Variants in DPYD observed in about 807,000 individuals in gnomAD.
The protein encoded by DPYD is dihydropyrimidine dehydrogenase [NADP(+)].
A neutral mutation model predicts 116.2 loss-of-function variants in DPYD; 109 were observed. The ratio of observed to expected loss-of-function variants is 0.94; its 90% CI spans 0.80 to 1.10. The LOEUF (loss-of-function observed/expected upper bound fraction) is 1.10. Among genes scored for constraint, DPYD ranks in the 50% least tolerant of loss-of-function variants. The pLI, the probability that DPYD is intolerant of heterozygous loss-of-function variation, is 0.00. For missense variants in DPYD, 1,302 were observed against 1,254.5 expected (o/e 1.04, Z -0.57); for synonymous variants, 440 against 432.0 (o/e 1.02, Z -0.23).
At chr1:97,717,448 T>A (rs1662676114) in intron 5 of DPYD, among the ~76,000 whole-genome samples, 1 of 152,114 alleles carries the variant, frequency 6.6e-6, no homozygotes, top group Non-Finnish European at 1.5e-5. Context: ...CTTACATTTT[T>A]AAATATTTCA....
intron 20 of DPYD, among the ~76,000 whole-genome samples, chr1:97,141,235 G>A (rs899628322): frequency 3.3e-5 from 5 of 152,262 alleles, no homozygotes; most frequent in South Asian, 2.1e-4. Flanking sequence ...AAGACCAAGC[G>A]AGGCACGAGG....
chr1:97,209,741 T>C (rs1407592819), intron 19 of DPYD, among the ~76,000 whole-genome samples: 2 of 152,174 alleles, frequency 1.3e-5, no homozygotes, highest in Non-Finnish European at 2.9e-5. Flanking sequence ...CCCATCATTT[T>C]CCACATGAGG....
At chr1:97,494,539 C>A (rs1000970958) in intron 13 of DPYD, among the ~76,000 whole-genome samples, 1 of 151,924 alleles carries the variant, frequency 6.6e-6, no homozygotes, top group African/African-American at 2.4e-5. Context: ...TATAAGAACA[C>A]AACTTTAAGC....
At chr1:97,875,278 A>G (rs1321378955) in intron 2 of DPYD, among the ~76,000 whole-genome samples, 1 of 151,984 alleles carries the variant, frequency 6.6e-6, no homozygotes, top group Non-Finnish European at 1.5e-5. Flanking sequence ...TGACATAGTC[A>G]TAATCAGAAA....
chr1:97,706,802 T>C (rs1166839951), intron 5 of DPYD, among the ~76,000 whole-genome samples: 1 of 152,112 alleles, frequency 6.6e-6, no homozygotes, highest in African/African-American at 2.4e-5. Context: ...TGATTATGAA[T>C]AAAGCTGCTA....
chr1:97,242,705 T>A (rs11165814), intron 18 of DPYD, among the ~76,000 whole-genome samples: 114,641 of 151,552 alleles, frequency 0.76, 44,515 homozygotes, highest in East Asian at 0.99. Context: ...GCATCATCAG[T>A]ATATATGATG....
chr1:97,599,973 A>C (rs1302225200), intron 8 of DPYD, among the ~76,000 whole-genome samples: 1 of 149,076 alleles, frequency 6.7e-6, no homozygotes, highest in Non-Finnish European at 1.5e-5. Flanking sequence ...TGCACCTGGG[A>C]GGCAGAGGTT....
chr1:97,658,086 G>A (rs564389125), intron 8 of DPYD, among the ~76,000 whole-genome samples: 1 of 152,060 alleles, frequency 6.6e-6, no homozygotes, highest in Non-Finnish European at 1.5e-5. Flanking sequence ...CCTACAGTTT[G>A]CAGCAAATAA....
chr1:97,471,971 A>C (rs1425275410), intron 13 of DPYD, among the ~76,000 whole-genome samples: 1 of 152,252 alleles, frequency 6.6e-6, no homozygotes, highest in Non-Finnish European at 1.5e-5. Context: ...AAAATGTAAA[A>C]AAAGAGACAG....
At chr1:97,103,913 T>G (rs948985991) in intron 20 of DPYD, among the ~76,000 whole-genome samples, 15 of 152,130 alleles carry the variant, frequency 9.9e-5, no homozygotes, top group African/African-American at 3.6e-4. Context: ...GCTCTGTGTT[T>G]CCATGTTTGC....
intron 16 of DPYD, among the ~76,000 whole-genome samples, chr1:97,358,565 C>T (rs916155365): frequency 9.9e-5 from 15 of 152,156 alleles, no homozygotes; most frequent in African/African-American, 3.6e-4. Context: ...CCGACAGACA[C>T]CACATATAGG....
At chr1:97,496,666 C>A (rs894859598) in intron 13 of DPYD, among the ~76,000 whole-genome samples, 3 of 151,960 alleles carry the variant, frequency 2.0e-5, no homozygotes, top group Non-Finnish European at 2.9e-5. Context: ...TTTGGACAGG[C>A]ACTATGCAGG....
At chr1:97,082,134 T>G (rs891147419) in intron 22 of DPYD, among the ~76,000 whole-genome samples, 196 bp downstream of exon 22, 26 of 152,126 alleles carry the variant, frequency 1.7e-4, no homozygotes, top group African/African-American at 6.3e-4. Context: ...GCTGGCATAG[T>G]TAGTAAAAGT....
At chr1:97,735,170 C>A (rs1187344139) in intron 4 of DPYD, among the ~76,000 whole-genome samples, 3 of 152,176 alleles carry the variant, frequency 2.0e-5, no homozygotes, top group South Asian at 4.1e-4. Context: ...TGTAAAGAAA[C>A]ATGCATGCTT....
chr1:97,598,588 T>G (rs1253955746), intron 8 of DPYD, among the ~76,000 whole-genome samples: 1 of 151,436 alleles, frequency 6.6e-6, no homozygotes, highest in African/African-American at 2.4e-5. Flanking sequence ...GATTTTCACG[T>G]TCTCTGAAAA....
Position 97,185,454 on chromosome 1 carries a change from A to G in DPYD, c.2622+7615T>C, listed in dbSNP as rs77217987. On this transcript the variant is annotated intron_variant, in intron 20 of 22. Coordinates refer to ENST00000370192, the MANE Select transcript of DPYD (RefSeq NM_000110.4). ...CTTGTAAAACTTATGCATCCACCTTATGACTGAGAAATTATACTTCTATGT... is the reference window on the plus strand; with the variant it reads ...CTTGTAAAACTTATGCATCCACCTTGTGACTGAGAAATTATACTTCTATGT... Among the ~76,000 whole-genome samples the G allele has an allele frequency of 4.7e-3, 720 of 152,272 alleles. 5 individuals carry two copies. Among genetic ancestry groups the G allele is most frequent in the African/African-American group, 0.017 (696 of 41,560 alleles).
At chr1:97,846,244 C>T (rs1262049047) in intron 2 of DPYD, among the ~76,000 whole-genome samples, 2 of 152,024 alleles carry the variant, frequency 1.3e-5, no homozygotes, top group Non-Finnish European at 1.5e-5. Flanking sequence ...ATGGAAGCTC[C>T]GTGTCTTTTT....
chr1:97,708,831 T>A (rs1467128090), intron 5 of DPYD, among the ~76,000 whole-genome samples: 1 of 152,004 alleles, frequency 6.6e-6, no homozygotes. Flanking sequence ...TCATAGTTTT[T>A]CTCATATACA....
At chr1:97,114,826 T>C (rs1651852815) in intron 20 of DPYD, among the ~76,000 whole-genome samples, 1 of 152,212 alleles carries the variant, frequency 6.6e-6, no homozygotes, top group Admixed American at 6.5e-5. Context: ...ATGATGAAAC[T>C]GTATATGTGA....
Sources: allele counts gnomAD v4.1 joint callset (sites outside exome capture counted in the v4.1 genomes callset), GRCh38; gene constraint gnomAD v4.1.1; transcripts MANE v1.5; gene names NCBI Gene and HGNC (gene_info 2026-07-23, HGNC 2026-07-21).